FGF12: variants seen among roughly 807,000 people sequenced by gnomAD.
FGF12 encodes the protein fibroblast growth factor 12.
A neutral mutation model predicts 23.6 loss-of-function variants in FGF12; 14 were observed. The ratio of observed to expected loss-of-function variants is 0.59; its 90% CI spans 0.39 to 0.93. The LOEUF (loss-of-function observed/expected upper bound fraction) is 0.93. Among genes scored for constraint, FGF12 ranks in the 40% least tolerant of loss-of-function variants. The pLI, the probability that FGF12 is intolerant of heterozygous loss-of-function variation, is 0.00. For synonymous variants in FGF12, 62 were observed against 77.3 expected (o/e 0.80, Z 1.04); for missense variants, 175 against 217.8 (o/e 0.80, Z 1.24).
chr3:192,332,508 T>C (rs1461886113), intron 4 of FGF12, among the ~76,000 whole-genome samples: 1 of 152,054 alleles, frequency 6.6e-6, no homozygotes, highest in Non-Finnish European at 1.5e-5. Context: ...ATTAAACTCA[T>C]CTATTAAAAC....
intron 4 of FGF12, among the ~76,000 whole-genome samples, chr3:192,260,596 G>A (rs1005935747): frequency 3.9e-5 from 6 of 152,062 alleles, no homozygotes; most frequent in Non-Finnish European, 8.8e-5. Flanking sequence ...CATTACTCTT[G>A]GACCTCTCAG....
chr3:192,597,820 C>T (rs1308403225), intron 2 of FGF12, among the ~76,000 whole-genome samples: 5 of 152,216 alleles, frequency 3.3e-5, no homozygotes, highest in Non-Finnish European at 7.4e-5. Context: ...TGAAATACAA[C>T]TTACAGCAGA....
intron 4 of FGF12, among the ~76,000 whole-genome samples, chr3:192,194,668 A>G (rs747404934): frequency 4.6e-5 from 7 of 152,156 alleles, no homozygotes; most frequent in Non-Finnish European, 7.4e-5. Context: ...TTTTCCTGAT[A>G]GGATACTCAT....
intron 3 of FGF12, among the ~76,000 whole-genome samples, chr3:192,346,226 C>A (rs1717952653): frequency 6.6e-6 from 1 of 152,134 alleles, no homozygotes; most frequent in Admixed American, 6.6e-5. Context: ...AAAGCTTACA[C>A]TCCCTTAAGT....
At chr3:192,699,873 A>G (rs1282575684) in intron 2 of FGF12, among the ~76,000 whole-genome samples, 1 of 152,188 alleles carries the variant, frequency 6.6e-6, no homozygotes, top group East Asian at 1.9e-4. Context: ...GGCCTGAGAG[A>G]CAATGTCCCA....
chr3:192,719,266 G>C (rs1372271325), intron 2 of FGF12, among the ~76,000 whole-genome samples: 2 of 152,150 alleles, frequency 1.3e-5, no homozygotes, highest in Admixed American at 1.3e-4. Context: ...CTAACAAACA[G>C]CAGGTTCTAA....
In FGF12 at chr3:192,143,578, C is replaced by T. The variant is rs1429564057; in HGVS notation, c.*431G>A. ...AAATACAAAATCAAGCAAAACCACA[C>T]ATCGCAGCATTATCATGAGTTTAAG... On this transcript the variant is annotated 3_prime_UTR_variant, in exon 6 of 6. Coordinates refer to ENST00000445105, the MANE Select transcript of FGF12 (RefSeq NM_004113.6). 1.3e-5 allele frequency: 2 copies of T among 153,316 alleles called. No homozygotes were observed. The highest frequency in any genetic ancestry group is 1.9e-4 in the East Asian group (1 of 5,210). The allele number at this position is 153,316 out of a possible 1,614,324, so 9.5% of individuals were successfully genotyped here. A position where few individuals can be genotyped will look rare whatever the true frequency, so the allele number is the denominator to read the frequency against.
chr3:192,236,978 C>T (rs536605704), intron 4 of FGF12, among the ~76,000 whole-genome samples: 1 of 152,068 alleles, frequency 6.6e-6, no homozygotes, highest in South Asian at 2.1e-4. Context: ...TAATCATCTC[C>T]TGTGTTTATA....
intron 2 of FGF12, among the ~76,000 whole-genome samples, chr3:192,378,564 A>T (rs1183839680): frequency 1.3e-5 from 2 of 150,492 alleles, no homozygotes; most frequent in African/African-American, 4.9e-5. Flanking sequence ...CGGAACAGGG[A>T]TTCATTTTCG....
chr3:192,279,811 C>T (rs1488696162), intron 4 of FGF12, among the ~76,000 whole-genome samples: 2 of 152,090 alleles, frequency 1.3e-5, no homozygotes, highest in East Asian at 1.9e-4. Flanking sequence ...GTTTCCATGT[C>T]GATTAAATTA....
intron 2 of FGF12, among the ~76,000 whole-genome samples, chr3:192,461,531 A>G (rs1722860586): frequency 6.6e-6 from 1 of 152,126 alleles, no homozygotes; most frequent in African/African-American, 2.4e-5. Flanking sequence ...CCTAATCAGT[A>G]TTTTTATCTG....
At chr3:192,376,416 G>A (rs1467587940) in intron 2 of FGF12, among the ~76,000 whole-genome samples, 2 of 151,916 alleles carry the variant, frequency 1.3e-5, no homozygotes, top group Non-Finnish European at 2.9e-5. Flanking sequence ...AGGCTAGAGT[G>A]CAATGGCGTG....
chr3:192,680,853 A>C (rs75901407), intron 2 of FGF12, among the ~76,000 whole-genome samples: 2,708 of 152,282 alleles, frequency 0.018, 81 homozygotes, highest in African/African-American at 0.061. Context: ...CATAATAATA[A>C]ACAAAAGTGT....
At chr3:192,614,753 C>T (rs1204944473) in intron 2 of FGF12, among the ~76,000 whole-genome samples, 1 of 151,924 alleles carries the variant, frequency 6.6e-6, no homozygotes, top group Non-Finnish European at 1.5e-5. Flanking sequence ...TTTCAGGTAA[C>T]TGGCCTTTGA....
chr3:192,266,320 T>C (rs1157778850), intron 4 of FGF12, among the ~76,000 whole-genome samples: 1 of 152,142 alleles, frequency 6.6e-6, no homozygotes, highest in Non-Finnish European at 1.5e-5. Flanking sequence ...TAAGCACAGA[T>C]AGGGCCTTAT....
chr3:192,350,091 T>C (rs1718149064), intron 3 of FGF12, among the ~76,000 whole-genome samples: 3 of 152,142 alleles, frequency 2.0e-5, no homozygotes, highest in Admixed American at 6.6e-5. Flanking sequence ...TTACTCATTA[T>C]TAAGAATTTA....
At chr3:192,570,236 G>A (rs556665212) in intron 2 of FGF12, among the ~76,000 whole-genome samples, 1 of 152,170 alleles carries the variant, frequency 6.6e-6, no homozygotes, top group East Asian at 1.9e-4. Context: ...CCATGGGGGG[G>A]AGGGCCATAG....
At chr3:192,388,152 T>G (rs1720127027) in intron 2 of FGF12, among the ~76,000 whole-genome samples, 2 of 151,928 alleles carry the variant, frequency 1.3e-5, no homozygotes, top group African/African-American at 4.8e-5. Flanking sequence ...TCCCAGATAC[T>G]TGGGAGGTTG....
intron 2 of FGF12, among the ~76,000 whole-genome samples, chr3:192,474,366 T>C (rs1416258654): frequency 6.6e-6 from 1 of 152,204 alleles, no homozygotes; most frequent in Admixed American, 6.5e-5. Context: ...CTTTTAATCA[T>C]AGGACACTGG....
Sources: allele counts gnomAD v4.1 joint callset (sites outside exome capture counted in the v4.1 genomes callset), GRCh38; gene constraint gnomAD v4.1.1; transcripts MANE v1.5; gene names NCBI Gene and HGNC (gene_info 2026-07-23, HGNC 2026-07-21).